Variants in TTC39A observed in about 807,000 individuals in gnomAD.
The protein encoded by TTC39A is tetratricopeptide repeat protein 39A.
Under a neutral mutation model 82.3 loss-of-function variants are expected in TTC39A, and 46 were observed. The observed-to-expected ratio is 0.56, with a 90% confidence interval of 0.44 to 0.71. The LOEUF (loss-of-function observed/expected upper bound fraction) is 0.71, where lower values mean the gene tolerates loss of function less well. TTC39A is among the 30% of genes least tolerant of loss of function. TTC39A has a pLI of 0.00. For synonymous variants in TTC39A, 254 were observed against 275.2 expected (o/e 0.92, Z 0.76); for missense variants, 543 against 712.9 (o/e 0.76, Z 2.71).
At chr1:51,312,320 A>C (rs1344468432) in intron 3 of TTC39A, 125 bp from the exon 4 acceptor site, 2 of 984,100 alleles carry the variant, frequency 2.0e-6, no homozygotes, top group Admixed American at 2.7e-5. Flanking sequence ...ACACAGGCTT[A>C]GAGGTCAAAC....
intron 1 of TTC39A, among the ~76,000 whole-genome samples, chr1:51,338,594 T>A (rs1487767656): frequency 3.3e-5 from 5 of 149,826 alleles, no homozygotes; most frequent in Admixed American, 6.7e-5. Context: ...GAGTGGAGAT[T>A]TATCTTTTTT....
intron 12 of TTC39A, chr1:51,298,621 A>G (rs571409644): frequency 3.5e-4 from 53 of 152,404 alleles, no homozygotes; most frequent in African/African-American, 1.3e-3. Context: ...GGGACAAAAG[A>G]GCAGCTGTCA....
intron 12 of TTC39A, chr1:51,298,049 C>G (rs1256558916): frequency 1.3e-5 from 2 of 152,638 alleles, no homozygotes; most frequent in East Asian, 1.9e-4. Flanking sequence ...AGGCTTCCCC[C>G]GACCTCCCCT....
At chr1:51,337,424 A>ATC (rs1553182102) in intron 1 of TTC39A, among the ~76,000 whole-genome samples, 7 of 132,108 alleles carry the variant, frequency 5.3e-5, no homozygotes, top group African/African-American at 2.0e-4. Flanking sequence ...ATTCTGTTTA[A>ATC]TTTTTTTTTT....
Position 51,322,014 on chromosome 1 carries a change from A to C in TTC39A, c.42-189T>G, listed in dbSNP as rs1336625751. On this transcript the variant is annotated intron_variant, in intron 1 of 17. Coordinates refer to ENST00000680483, the MANE Select transcript of TTC39A (RefSeq NM_001297663.2). ...TTGGACCCACCTCTTGGTGTTCCCA[A>C]GGGTGGGAGGGGGAGCAGAAGGGAA... The C allele has an allele frequency of 2.8e-6, 4 of 1,449,128 alleles. No individual in the cohort carries two copies. In the East Asian group the frequency reaches 1.0e-4, roughly 36 times the overall value. 89.8% of individuals were successfully genotyped at this position (1,449,128 alleles called of 1,614,324 possible). A position where few individuals can be genotyped will look rare whatever the true frequency, so the allele number is the denominator to read the frequency against.
At position 51,301,596 on chromosome 1, in the gene TTC39A, G is replaced by C; in HGVS notation, c.1029C>G (p.Leu343=). The C allele has an allele frequency of 6.2e-7, 1 of 1,611,466 alleles. No homozygotes were observed. Among genetic ancestry groups the C allele is most frequent in the African/African-American group, 1.3e-5 (1 of 75,018 alleles). The change falls in exon 12 of 18, where the codon CTC becomes CTG. Residue 343 remains leucine (L), a synonymous_variant. Transcript: ENST00000680483. ...CCTTGGACCAGCAGTTCTCCTTGCT[G>C]AGCAGGTCGGCGTAGAAGTAGGACA... The part of the protein sequence containing the change: ...WKMSYFYADL[L]SKENCWSKAT...
intron 2 of TTC39A, among the ~76,000 whole-genome samples, chr1:51,315,870 G>A (rs1645263444): frequency 6.6e-6 from 1 of 152,238 alleles, no homozygotes. Flanking sequence ...AAGCCTTCCA[G>A]GGCAGCTTCA....
At chr1:51,292,948 A>G (rs1157028495) in intron 14 of TTC39A, among the ~76,000 whole-genome samples, 1 of 152,252 alleles carries the variant, frequency 6.6e-6, no homozygotes, top group Non-Finnish European at 1.5e-5. Context: ...TTTAATGCAT[A>G]AACAGTATTT....
intron 2 of TTC39A, among the ~76,000 whole-genome samples, chr1:51,313,354 T>C (rs977049974): frequency 6.6e-6 from 1 of 152,154 alleles, no homozygotes; most frequent in African/African-American, 2.4e-5. Flanking sequence ...TGTGAGATCC[T>C]GTTTAGCCCA....
At chr1:51,331,082 C>A, upstream of TTC39A, 1 of 1,068,758 alleles carries the variant, frequency 9.4e-7, no homozygotes. Context: ...CTCAAATGAT[C>A]CCCATAATTG....
intron 7 of TTC39A, chr1:51,305,451 T>G (rs1644833170): frequency 2.7e-6 from 1 of 365,214 alleles, no homozygotes; most frequent in Non-Finnish European, 5.2e-6. Flanking sequence ...CCAGCCTTCC[T>G]GCTCCCTCTG....
intron 1 of TTC39A, among the ~76,000 whole-genome samples, chr1:51,341,590 G>A (rs1411275682): frequency 6.6e-6 from 1 of 152,120 alleles, no homozygotes; most frequent in Non-Finnish European, 1.5e-5. Flanking sequence ...CTTGTCACCA[G>A]GGATTGAGGA....
intron 1 of TTC39A, chr1:51,343,006 C>A: frequency 2.2e-6 from 1 of 456,078 alleles, no homozygotes; most frequent in South Asian, 1.5e-5. Flanking sequence ...AACATACATA[C>A]ACGGGAGACC....
At chr1:51,327,193 TC>T (rs1222223657) in intron 1 of TTC39A, among the ~76,000 whole-genome samples, 3 of 152,030 alleles carry the variant, frequency 2.0e-5, no homozygotes, top group Non-Finnish European at 4.4e-5. Flanking sequence ...CCTACCTCCA[TC>T]CCAGTCAGGA....
chr1:51,308,286 C>T (rs1644948651), intron 6 of TTC39A, among the ~76,000 whole-genome samples: 1 of 151,934 alleles, frequency 6.6e-6, no homozygotes, highest in East Asian at 1.9e-4. Flanking sequence ...GTCACCCAGG[C>T]TGGAGTGCAG....
intron 2 of TTC39A, among the ~76,000 whole-genome samples, chr1:51,319,070 C>T (rs1005845538): frequency 2.6e-5 from 4 of 152,070 alleles, no homozygotes; most frequent in African/African-American, 7.2e-5. Context: ...ACAATAATAA[C>T]AATAAATACT....
intron 5 of TTC39A, among the ~76,000 whole-genome samples, chr1:51,309,686 A>G (rs1358765257): frequency 1.3e-5 from 2 of 152,168 alleles, no homozygotes; most frequent in Non-Finnish European, 2.9e-5. Flanking sequence ...ACATTTATAA[A>G]TGTAAAGCTC....
chr1:51,301,521 A>G (rs568184582), intron 12 of TTC39A, 51 bp downstream of exon 12: 2 of 1,533,536 alleles, frequency 1.3e-6, no homozygotes, highest in South Asian at 2.4e-5. Context: ...GTCTGGAGGC[A>G]CACAGTCAGC....
Position 51,324,766 on chromosome 1 carries a change from C to T in TTC39A, c.42-2941G>A, listed in dbSNP as rs114034256. Among the ~76,000 whole-genome samples the T allele has an allele frequency of 4.0e-3, 601 of 152,006 alleles. 6 individuals carry two copies. Among genetic ancestry groups the T allele is most frequent in the African/African-American group, 0.014 (585 of 41,486 alleles). On this transcript the variant is annotated intron_variant, in intron 1 of 17. Coordinates refer to ENST00000680483, the MANE Select transcript of TTC39A (RefSeq NM_001297663.2). ...ATCAAACTCCTCAGGTGTTTGACCT[C>T]AGGTGATCCACCCGCCTCAGCCTCC...
Sources: gnomAD v4.1 joint callset for allele counts (sites outside exome capture counted in the v4.1 genomes callset) on GRCh38, gnomAD v4.1.1 for gene constraint, MANE v1.5 for transcripts, NCBI Gene and HGNC (gene_info 2026-07-23, HGNC 2026-07-21) for gene names.